DDX11: variants seen among roughly 807,000 people sequenced by gnomAD.
DDX11 encodes ATP-dependent DNA helicase DDX11.
Under a neutral mutation model 125.2 loss-of-function variants are expected in DDX11, and 72 were observed. The ratio of observed to expected loss-of-function variants is 0.58; its 90% CI spans 0.48 to 0.70. DDX11 has a LOEUF of 0.70. DDX11 is among the 30% of genes least tolerant of loss of function. The pLI is 0.00. For synonymous variants in DDX11, 347 were observed against 452.6 expected, an observed-to-expected ratio of 0.77 and a Z score of 2.96; for missense variants, 883 against 1,165.0, an observed-to-expected ratio of 0.76 and a Z score of 3.52.
chr12:31,088,241 A>G (rs10771799), intron 6 of DDX11, among the ~76,000 whole-genome samples: 81,435 of 151,380 alleles, frequency 0.54, 23,088 homozygotes, highest in East Asian at 0.82. Context: ...TTTCCTGGGA[A>G]CAGGGACCTG....
At chr12:31,098,506 CCA>C (rs1945736639) in intron 18 of DDX11, among the ~76,000 whole-genome samples, 1 of 152,222 alleles carries the variant, frequency 6.6e-6, no homozygotes, top group Admixed American at 6.5e-5. Context: ...GTGCTGGATT[CCA>C]GTTACACAGA....
intron 2 of DDX11, among the ~76,000 whole-genome samples, chr12:31,083,021 G>A (rs1028388504): frequency 1.7e-4 from 26 of 152,130 alleles, no homozygotes; most frequent in Non-Finnish European, 3.4e-4. Flanking sequence ...TTACATTTGC[G>A]ACAGTCCTAT....
Position 31,096,733 on chromosome 12 carries a change from A to G in DDX11, c.1618A>G (p.Arg540Gly). 1 of 1,614,200 alleles carries G rather than the reference A, an allele frequency of 6.2e-7. No homozygotes were observed. Among genetic ancestry groups the G allele is most frequent in the Non-Finnish European group, 8.5e-7 (1 of 1,180,036 alleles). ...GCAATTCCTGCAGAGCCTGCAGCCC[A>G]GGACGACTGAAGGTGAGGCAGGAGG... ...FQQFLQSLQP[R>G]TTEALAAPAD... Residue 540 changes from arginine to glycine, a missense_variant, in exon 16 of 27, where the codon AGG (arginine) becomes GGG (glycine). Arg to Gly is a moderately radical substitution (Grantham distance 125, BLOSUM62 -2). Around this residue, in one of 5 missense-constraint regions of DDX11, gnomAD observed 241 missense variants for 279.7 expected, o/e 0.86. Coordinates refer to ENST00000542838, the MANE Select transcript of DDX11 (RefSeq NM_030653.4).
chr12:31,086,068 A>G (rs1393493508), intron 5 of DDX11: 2 of 454,422 alleles, frequency 4.4e-6, no homozygotes. Flanking sequence ...ACCAGACGCC[A>G]GCTTCCCCGC....
intron 19 of DDX11, 113 bp from the exon 20 acceptor site, chr12:31,100,914 C>A: frequency 1.7e-6 from 2 of 1,144,572 alleles, no homozygotes; most frequent in Non-Finnish European, 2.7e-6. Flanking sequence ...GGCGGGTGAG[C>A]GCTGTCAGTC....
chr12:31,099,438 T>A (rs1431655259), intron 18 of DDX11, among the ~76,000 whole-genome samples: 1 of 151,032 alleles, frequency 6.6e-6, no homozygotes, highest in Non-Finnish European at 1.5e-5. Flanking sequence ...TTATTGTACC[T>A]CTTTTTCTCT....
intron 15 of DDX11, 92 bp downstream of exon 15, chr12:31,096,471 C>G (rs1945259551): frequency 5.0e-6 from 8 of 1,611,348 alleles, no homozygotes; most frequent in Non-Finnish European, 6.8e-6. Context: ...CCTCAGGGAA[C>G]TCCAGAGTCC....
intron 1 of DDX11, among the ~76,000 whole-genome samples, chr12:31,074,740 C>T (rs1940455923): frequency 6.6e-6 from 1 of 152,160 alleles, no homozygotes; most frequent in African/African-American, 2.4e-5. Context: ...AACAGCAGTG[C>T]GGAAAAGCTT....
At position 31,096,988 on chromosome 12, in the gene DDX11, A is replaced by G; in HGVS notation, c.1760A>G (p.Gln587Arg). The G allele has an allele frequency of 1.2e-6, 2 of 1,613,550 alleles. No homozygotes were observed. Among genetic ancestry groups the G allele is most frequent in the East Asian group, 2.2e-5 (1 of 44,852 alleles). ...GACGGCAGGGTCATCCTGAGCCGCCAAGGTAATCAGGTGGTTCTTGGCCAG... is the reference window on the plus strand; with the variant it reads ...GACGGCAGGGTCATCCTGAGCCGCCGAGGTAATCAGGTGGTTCTTGGCCAG... ...NQDGRVILSR[Q>R]GSLSQSTLKF... is the part of the protein sequence containing the mutation. The change falls in exon 17 of 27, where the codon CAA becomes CGA. Residue 587 changes from glutamine (Q) to arginine (R), a missense_variant and splice_region_variant. Coordinates refer to ENST00000542838, the MANE Select transcript of DDX11 (RefSeq NM_030653.4).
At chr12:31,102,353 G>A (rs1481908633) in intron 22 of DDX11, 42 bp downstream of exon 22, 1 of 1,609,294 alleles carries the variant, frequency 6.2e-7, no homozygotes, top group Non-Finnish European at 8.5e-7. Context: ...ATCGTGTGGG[G>A]GTGGCAGCTG....
chr12:31,074,562 G>T (rs1374228254), intron 1 of DDX11, among the ~76,000 whole-genome samples: 2 of 152,200 alleles, frequency 1.3e-5, no homozygotes, highest in African/African-American at 4.8e-5. Context: ...TCATAAAAAT[G>T]GACTTAAATG....
chr12:31,097,648 C>G (rs951197064), intron 17 of DDX11, among the ~76,000 whole-genome samples: 2 of 139,180 alleles, frequency 1.4e-5, no homozygotes, highest in African/African-American at 5.7e-5. Context: ...CCACTGCACT[C>G]CAGCCTGGGC....
chr12:31,088,996 G>A (rs376650656), intron 6 of DDX11, 48 bp from the exon 7 acceptor site: 3 of 1,463,358 alleles, frequency 2.1e-6, no homozygotes, highest in Non-Finnish European at 1.9e-6. Flanking sequence ...AGAATGCTGT[G>A]GGATGTTTTG....
At position 31,087,870 on chromosome 12, in the gene DDX11, A is replaced by G. The variant is rs1592664166; in HGVS notation, c.639-68A>G. 1.7e-5 allele frequency: 27 copies of G among 1,558,536 alleles called. No homozygotes were observed. In the East Asian group the frequency reaches 6.5e-4, roughly 37 times the overall value. On this transcript the variant is annotated intron_variant, in intron 5 of 26. Transcript: ENST00000542838. ...CCAGGGCTCAGCACCAGCGCTCAGC[A>G]GATGCTCAGTGCGTTTTGCTGAGTT...
intron 9 of DDX11, chr12:31,091,457 G>A: frequency 2.1e-6 from 1 of 485,732 alleles, no homozygotes; most frequent in East Asian, 4.0e-5. Context: ...ACATGGACAA[G>A]GCTAAGCAGG....
At chr12:31,082,792 G>A (rs1246274135) in intron 2 of DDX11, among the ~76,000 whole-genome samples, 2 of 152,184 alleles carry the variant, frequency 1.3e-5, no homozygotes, top group Non-Finnish European at 2.9e-5. Flanking sequence ...GCTGGAGGCT[G>A]GAGTCCGAGA....
intron 14 of DDX11, among the ~76,000 whole-genome samples, chr12:31,096,018 C>CTTT (rs10587699): frequency 2.0e-5 from 3 of 150,114 alleles, no homozygotes; most frequent in Non-Finnish European, 4.5e-5. Flanking sequence ...ATAGAAGTTC[C>CTTT]TTTTTTTTTT....
intron 17 of DDX11, among the ~76,000 whole-genome samples, chr12:31,097,657 G>A (rs1816065515): frequency 7.8e-6 from 1 of 127,400 alleles, no homozygotes; most frequent in Non-Finnish European, 1.5e-5. Flanking sequence ...TCCAGCCTGG[G>A]CAACAGATCG....
At chr12:31,092,358 G>T (rs1944397332) in intron 10 of DDX11, among the ~76,000 whole-genome samples, 1 of 152,190 alleles carries the variant, frequency 6.6e-6, no homozygotes, top group Admixed American at 6.5e-5. Flanking sequence ...GAAACTTGGA[G>T]ATTCAAAGAT....
Sources: allele counts gnomAD v4.1 joint callset (sites outside exome capture counted in the v4.1 genomes callset), GRCh38; gene constraint gnomAD v4.1.1; regional missense constraint gnomAD v4.1.1; transcripts MANE v1.5; gene names NCBI Gene and HGNC (gene_info 2026-07-23, HGNC 2026-07-21).